KRT86: variants seen among roughly 807,000 people sequenced by gnomAD.
KRT86 encodes keratin 86.
A neutral mutation model predicts 41.2 loss-of-function variants in KRT86; 30 were observed. That is an observed-to-expected ratio of 0.73 (90% CI 0.54 to 0.99). KRT86 has a LOEUF of 0.99. Ranked by LOEUF, KRT86 falls within the 50% of genes least tolerant of loss-of-function variation. The pLI is 0.00. For missense variants in KRT86, 561 were observed against 571.4 expected, an observed-to-expected ratio of 0.98 and a Z score of 0.19; for synonymous variants, 238 against 238.1, an observed-to-expected ratio of 1.00 and a Z score of 0.00.
chr12:52,308,736 G>A lies in KRT86; in HGVS notation c.*151G>A. ...CCCTCCCCACCGCTCCGCTCCGGGAGCCATCCCCGGTCGCAGGAGTCCGGG... is the reference window on the plus strand; with the variant it reads ...CCCTCCCCACCGCTCCGCTCCGGGAACCATCCCCGGTCGCAGGAGTCCGGG... On this transcript the variant is annotated 3_prime_UTR_variant, in exon 11 of 11. Coordinates refer to ENST00000423955, the MANE Select transcript of KRT86 (RefSeq NM_001320198.2). The A allele has an allele frequency of 2.8e-6, 2 of 719,014 alleles. No individual in the cohort carries two copies. Among genetic ancestry groups the A allele is most frequent in the Non-Finnish European group, 4.5e-6 (2 of 440,600 alleles). The allele number at this position is 719,014 out of a possible 1,614,324, so 44.5% of individuals were successfully genotyped here.
chr12:52,291,569 A>G (rs1938127357), intron 2 of KRT86: 1 of 1,516,928 alleles, frequency 6.6e-7, no homozygotes, highest in Non-Finnish European at 9.0e-7. Flanking sequence ...ATTTATGCGC[A>G]GATTCTGAAG....
rs1937897594 is a variant in KRT86 at position 52,285,531 on chromosome 12, A to AT, written c.-5+9586dup. On this transcript the variant is annotated intron_variant, in intron 2 of 10. Transcript: ENST00000423955. ...TGAGTGATTGGTGAATCTGATTTTC[A>AT]TGATCCATCAGTTTGCAGATATGCA... Among the ~76,000 whole-genome samples, 4 of 152,320 alleles carry AT rather than the reference A, an allele frequency of 2.6e-5. 2 individuals are homozygous for AT. Among genetic ancestry groups the AT allele is most frequent in the African/African-American group, 9.6e-5 (4 of 41,566 alleles).
chr12:52,274,839 G>A, intron 1 of KRT86, 117 bp downstream of exon 1: 2 of 445,220 alleles, frequency 4.5e-6, no homozygotes, highest in Non-Finnish European at 6.0e-6. Flanking sequence ...GGGGCAGTGG[G>A]AACACAGCAG....
At chr12:52,281,884 A>C (rs1343784539) in intron 2 of KRT86, among the ~76,000 whole-genome samples, 1 of 151,906 alleles carries the variant, frequency 6.6e-6, no homozygotes, top group Non-Finnish European at 1.5e-5. Flanking sequence ...GACTACAGGC[A>C]CATGCCTCCA....
At chr12:52,306,363 G>T in intron 9 of KRT86, 83 bp downstream of exon 9, 1 of 1,605,624 alleles carries the variant, frequency 6.2e-7, no homozygotes, top group South Asian at 1.1e-5. Context: ...CAGCATTTAA[G>T]TTTTGTTTCT....
chr12:52,295,338 G>A (rs1021492653), intron 2 of KRT86, among the ~76,000 whole-genome samples: 2 of 152,146 alleles, frequency 1.3e-5, no homozygotes, highest in African/African-American at 4.8e-5. Context: ...GGACACTGAG[G>A]TCTAGGGAGG....
intron 2 of KRT86, among the ~76,000 whole-genome samples, chr12:52,279,340 T>A (rs759369556): frequency 2.6e-5 from 4 of 152,200 alleles, no homozygotes; most frequent in African/African-American, 9.6e-5. Flanking sequence ...TCATCTTTCC[T>A]TTTTGCCTCC....
At chr12:52,293,616 G>A (rs1938186214) in intron 2 of KRT86, among the ~76,000 whole-genome samples, 1 of 152,180 alleles carries the variant, frequency 6.6e-6, no homozygotes, top group African/African-American at 2.4e-5. Context: ...GAAGGAGTAT[G>A]AGTTAGATGT....
At chr12:52,299,907 T>C (rs1414719155) in intron 2 of KRT86, among the ~76,000 whole-genome samples, 4 of 152,242 alleles carry the variant, frequency 2.6e-5, no homozygotes, top group African/African-American at 4.8e-5. Context: ...CTTCAACTTG[T>C]TGATTGTTTC....
chr12:52,286,527 AGG>A, intron 2 of KRT86: 1 of 1,546,228 alleles, frequency 6.5e-7, no homozygotes, highest in Non-Finnish European at 8.8e-7. Context: ...AAAATTCTGA[AGG>A]GCAAGCCATC....
intron 2 of KRT86, chr12:52,285,851 T>G: frequency 3.8e-6 from 1 of 262,422 alleles, no homozygotes; most frequent in Non-Finnish European, 7.5e-6. Context: ...CCATGTGACT[T>G]TGGGGACCCT....
intron 1 of KRT86, among the ~76,000 whole-genome samples, 194 bp from the exon 2 acceptor site, chr12:52,275,627 A>G (rs11838298): frequency 0.016 from 2,451 of 152,248 alleles, 72 homozygotes; most frequent in African/African-American, 0.056. Context: ...TTCTGGCCCC[A>G]TGGGCACAAG....
intron 2 of KRT86, among the ~76,000 whole-genome samples, chr12:52,301,083 A>AGTGT (rs150721681): frequency 6.6e-6 from 1 of 150,534 alleles, no homozygotes; most frequent in African/African-American, 2.4e-5. Flanking sequence ...AGGACCTGTG[A>AGTGT]GTGTGTGTGT....
In KRT86 at chr12:52,282,478, C is replaced by T. The variant is rs531621407; in HGVS notation, c.-5+6532C>T. ...GTCTCGATCTTCTGACCTCGTGATC[C>T]GCCCGCCTCAGCCTCCCAAAGTGCT... On this transcript the variant is annotated intron_variant, in intron 2 of 10. Transcript: ENST00000423955. Among the ~76,000 whole-genome samples, 452 of 152,248 alleles carry T rather than the reference C, an allele frequency of 3.0e-3. 1 individual carries two copies. Among genetic ancestry groups the T allele is most frequent in the Middle Eastern group, 3.4e-3 (1 of 294 alleles).
At chr12:52,293,883 G>T (rs1411990585) in intron 2 of KRT86, among the ~76,000 whole-genome samples, 1 of 152,174 alleles carries the variant, frequency 6.6e-6, no homozygotes, top group African/African-American at 2.4e-5. Flanking sequence ...TGCTTCAAGG[G>T]CAAAGGCAGG....
At chr12:52,278,770 G>A (rs1268104242) in intron 2 of KRT86, among the ~76,000 whole-genome samples, 2 of 151,740 alleles carry the variant, frequency 1.3e-5, no homozygotes, top group Non-Finnish European at 2.9e-5. Context: ...ACACCTTGGC[G>A]TGCCTCCTCT....
Position 52,305,869 on chromosome 12 carries a change from C to T in KRT86, c.1026+81C>T. 3.1e-6 allele frequency: 5 copies of T among 1,611,556 alleles called. No homozygotes were observed. The African/African-American group carries it at 4.0e-5, about 13-fold the overall frequency. ...CAGCCTATGTGTGCCCTATCTGGAT[C>T]TCAGCATTCATTCTCCAGCCCCTCT... On this transcript the variant is annotated intron_variant, in intron 8 of 10. Transcript: ENST00000423955.
intron 2 of KRT86, chr12:52,288,174 T>C: frequency 3.1e-6 from 5 of 1,613,132 alleles, no homozygotes; most frequent in Non-Finnish European, 4.2e-6. Context: ...GCAGTGACTT[T>C]AGTTGAGAAT....
At chr12:52,301,003 C>T (rs900738586) in intron 2 of KRT86, among the ~76,000 whole-genome samples, 5 of 152,030 alleles carry the variant, frequency 3.3e-5, no homozygotes, top group Non-Finnish European at 5.9e-5. Context: ...TCCTCTCAGC[C>T]GAGGCTGGCC....
Sources: allele counts gnomAD v4.1 joint callset (sites outside exome capture counted in the v4.1 genomes callset), GRCh38; gene constraint gnomAD v4.1.1; transcripts MANE v1.5; gene names NCBI Gene and HGNC (gene_info 2026-07-23, HGNC 2026-07-21).